The following NCBP3 variants were observed in gnomAD, a reference collection of about 807,000 sequenced individuals.
The protein encoded by NCBP3 is nuclear cap-binding protein subunit 3.
A neutral mutation model predicts 75.7 loss-of-function variants in NCBP3; 20 were observed. That is an observed-to-expected ratio of 0.26 (90% confidence interval 0.19 to 0.38). The LOEUF (loss-of-function observed/expected upper bound fraction) is 0.38. NCBP3 is among the 10% of genes least tolerant of loss of function. The pLI, the probability that NCBP3 is intolerant of heterozygous loss-of-function variation, is 1.00. For synonymous variants in NCBP3, 293 were observed against 290.5 expected, an observed-to-expected ratio of 1.01 and a Z score of -0.09; for missense variants, 678 against 796.9, an observed-to-expected ratio of 0.85 and a Z score of 1.80.
intron 3 of NCBP3, among the ~76,000 whole-genome samples, chr17:3,833,270 T>C (rs1376516473): frequency 1.3e-5 from 2 of 152,072 alleles, no homozygotes; most frequent in Admixed American, 6.6e-5. Flanking sequence ...AAAACCACCA[T>C]GCTCAGCTAA....
At chr17:3,840,667 T>C (rs1398095148) in intron 2 of NCBP3, among the ~76,000 whole-genome samples, 1 of 152,204 alleles carries the variant, frequency 6.6e-6, no homozygotes, top group Non-Finnish European at 1.5e-5. Flanking sequence ...TCCAGTGCTA[T>C]TTCTAGGAGC....
intron 1 of NCBP3, among the ~76,000 whole-genome samples, chr17:3,844,128 C>T (rs1048831392): frequency 5.9e-5 from 9 of 152,208 alleles, no homozygotes; most frequent in Non-Finnish European, 1.3e-4. Flanking sequence ...TGGAGCACAA[C>T]CCTCCACCTC....
intron 3 of NCBP3, among the ~76,000 whole-genome samples, chr17:3,837,920 C>A (rs555136542): frequency 6.6e-6 from 1 of 151,940 alleles, no homozygotes; most frequent in Admixed American, 6.6e-5. Context: ...TGACATCCCA[C>A]GGCCGACCTT....
intron 6 of NCBP3, among the ~76,000 whole-genome samples, chr17:3,825,548 CTA>C (rs959022953): frequency 6.6e-6 from 1 of 152,072 alleles, no homozygotes; most frequent in African/African-American, 2.4e-5. Flanking sequence ...CTCAATAAAA[CTA>C]TTTTCTTTTT....
At chr17:3,820,436 G>C (rs1225142025) in intron 9 of NCBP3, among the ~76,000 whole-genome samples, 2 of 151,984 alleles carry the variant, frequency 1.3e-5, no homozygotes, top group Non-Finnish European at 2.9e-5. Context: ...CTCAAAACAA[G>C]AACAATTCTT....
Position 3,812,034 on chromosome 17 carries a change from T to A in NCBP3, c.*1010A>T, listed in dbSNP as rs1597390086. Reference sequence around the variant, plus strand: ...ATAAACAACAGGACCCCATCTCAGATGGATGGATTTTTTTTCCTACTGGAG... The same window carrying A: ...ATAAACAACAGGACCCCATCTCAGAAGGATGGATTTTTTTTCCTACTGGAG... On this transcript the variant is annotated 3_prime_UTR_variant, in exon 13 of 13. Coordinates refer to ENST00000389005, the MANE Select transcript of NCBP3 (RefSeq NM_001114118.3). 1 of 152,184 alleles carries A rather than the reference T, an allele frequency of 6.6e-6. No homozygotes were observed. Among genetic ancestry groups the A allele is most frequent in the East Asian group, 1.9e-4 (1 of 5,130 alleles). 9.4% of individuals were successfully genotyped at this position (152,184 alleles called of 1,614,324 possible). A position where few individuals can be genotyped will look rare whatever the true frequency, so the allele number is the denominator to read the frequency against.
At chr17:3,813,822 C>G (rs1045013756) in intron 12 of NCBP3, among the ~76,000 whole-genome samples, 1 of 152,070 alleles carries the variant, frequency 6.6e-6, no homozygotes, top group Non-Finnish European at 1.5e-5. Context: ...CACCACCACG[C>G]CCGGCTCATT....
Position 3,803,734 on chromosome 17 carries a change from AT to A in NCBP3, c.*9309del, listed in dbSNP as rs1555529774. On this transcript the variant is annotated 3_prime_UTR_variant, in exon 13 of 13. Coordinates refer to ENST00000389005, the MANE Select transcript of NCBP3 (RefSeq NM_001114118.3). ...AATAAAGTTTTAAATATTTTAAAAA[AT>A]TTTTTTCTTTCTCCCCTTGATACCA... is the stretch of plus-strand genomic sequence containing the variant. 1 of 152,140 alleles carries A rather than the reference AT, an allele frequency of 6.6e-6. No homozygotes were observed. Among genetic ancestry groups the A allele is most frequent in the Non-Finnish European group, 1.5e-5 (1 of 68,030 alleles). The allele number at this position is 152,140 out of a possible 1,614,324, so 9.4% of individuals were successfully genotyped here.
intron 1 of NCBP3, 108 bp from the exon 2 acceptor site, chr17:3,843,259 T>TTG (rs397857593): frequency 1.1e-6 from 1 of 869,750 alleles, no homozygotes; most frequent in African/African-American, 1.7e-5. Flanking sequence ...TTTTTTTTTT[T>TTG]GTTGGTGACA....
intron 3 of NCBP3, among the ~76,000 whole-genome samples, chr17:3,837,817 GGGC>G (rs1427791207): frequency 1.5e-4 from 23 of 151,698 alleles, no homozygotes; most frequent in African/African-American, 5.6e-4. Flanking sequence ...GGTCTGAGAT[GGGC>G]AGCAGGGTTC....
intron 10 of NCBP3, among the ~76,000 whole-genome samples, chr17:3,817,434 T>G (rs1481677342): frequency 6.6e-6 from 1 of 152,002 alleles, no homozygotes; most frequent in Non-Finnish European, 1.5e-5. Flanking sequence ...ATTGAGACCA[T>G]CCTGGCCAAC....
chr17:3,843,213 G>T, intron 1 of NCBP3, 62 bp from the exon 2 acceptor site: 3 of 1,354,164 alleles, frequency 2.2e-6, no homozygotes, highest in Middle Eastern at 1.8e-4. Context: ...TATAATAAAA[G>T]TCGGCCTGAC....
At chr17:3,827,627 G>A (rs1307406380) in intron 4 of NCBP3, among the ~76,000 whole-genome samples, 1 of 152,204 alleles carries the variant, frequency 6.6e-6, no homozygotes, top group Non-Finnish European at 1.5e-5. Flanking sequence ...AAGCTCTGAG[G>A]CTCTCACTTC....
intron 4 of NCBP3, among the ~76,000 whole-genome samples, chr17:3,827,498 T>A (rs76387853): frequency 2.0e-5 from 3 of 152,364 alleles, no homozygotes; most frequent in Admixed American, 6.5e-5. Context: ...ACTAATTTAA[T>A]GTGCCTCTTT....
At chr17:3,814,776 CAA>C (rs1030694647) in intron 11 of NCBP3, among the ~76,000 whole-genome samples, 30 of 151,068 alleles carry the variant, frequency 2.0e-4, no homozygotes, top group African/African-American at 7.3e-4. Context: ...AAGTAATTTA[CAA>C]AAGTTTCAGC....
chr17:3,813,312 G>T, intron 12 of NCBP3, 33 bp from the exon 13 acceptor site: 1 of 1,610,904 alleles, frequency 6.2e-7, no homozygotes. Context: ...CACTTTCGCA[G>T]TCAGCGCTAA....
At position 3,840,723 on chromosome 17, in the gene NCBP3, T is replaced by C. The variant is rs369368153; in HGVS notation, c.250-518A>G. On this transcript the variant is annotated intron_variant, in intron 2 of 12. Coordinates refer to ENST00000389005, the MANE Select transcript of NCBP3 (RefSeq NM_001114118.3). ...TTGTCTGAGCAATGGTAATCACACC[T>C]ATCACGCTCTTCCACATTATAACTG... Among the ~76,000 whole-genome samples the C allele has an allele frequency of 5.3e-5, 8 of 152,096 alleles. No individual in the cohort carries two copies. The East Asian group carries it at 1.4e-3, about 26-fold the overall frequency.
intron 7 of NCBP3, among the ~76,000 whole-genome samples, chr17:3,823,383 C>G (rs962971652): frequency 2.6e-5 from 4 of 152,112 alleles, no homozygotes; most frequent in Non-Finnish European, 5.9e-5. Flanking sequence ...ATACTGATAT[C>G]CATGGATGAT....
chr17:3,815,560 T>C (rs979986509), intron 11 of NCBP3, among the ~76,000 whole-genome samples: 5 of 152,234 alleles, frequency 3.3e-5, no homozygotes, highest in African/African-American at 1.2e-4. Context: ...TATACCAGTG[T>C]CATACAGAGG....
Sources: allele counts gnomAD v4.1 joint callset (sites outside exome capture counted in the v4.1 genomes callset), GRCh38; gene constraint gnomAD v4.1.1; transcripts MANE v1.5; gene names NCBI Gene and HGNC (gene_info 2026-07-23, HGNC 2026-07-21).